Variants in AGBL4 observed in about 807,000 individuals in gnomAD.
AGBL4 encodes AGBL carboxypeptidase 4.
In AGBL4, 58 loss-of-function variants were observed where a neutral mutation model predicts 66.4. That is an observed-to-expected ratio of 0.87 (90% CI 0.71 to 1.09). The LOEUF is 1.09. AGBL4 is among the 50% of genes least tolerant of loss of function. AGBL4 has a pLI of 0.00. For missense variants in AGBL4, 579 were observed against 631.0 expected, an observed-to-expected ratio of 0.92 and a Z score of 0.88; for synonymous variants, 234 against 222.9, an observed-to-expected ratio of 1.05 and a Z score of -0.44.
intron 1 of AGBL4, among the ~76,000 whole-genome samples, chr1:49,957,383 T>G (rs1326452776): frequency 6.6e-6 from 1 of 152,016 alleles, no homozygotes; most frequent in East Asian, 1.9e-4. Context: ...GTCTGCTTGG[T>G]GCAGAGCTGA....
chr1:49,085,115 G>A (rs1644881242), intron 4 of AGBL4, among the ~76,000 whole-genome samples: 1 of 152,130 alleles, frequency 6.6e-6, no homozygotes, highest in Admixed American at 6.6e-5. Flanking sequence ...CTACGCAGGT[G>A]GACATCATGG....
intron 9 of AGBL4, among the ~76,000 whole-genome samples, chr1:48,611,835 G>A (rs1381666380): frequency 1.3e-5 from 2 of 152,154 alleles, no homozygotes; most frequent in East Asian, 3.8e-4. Flanking sequence ...CTATCCCTAT[G>A]GGTTTTAAGA....
At chr1:48,677,739 CA>C (rs60333283) in intron 6 of AGBL4, among the ~76,000 whole-genome samples, 23,699 of 152,136 alleles carry the variant, frequency 0.16, 4,608 homozygotes, top group African/African-American at 0.46. Context: ...ACCCAGATCA[CA>C]GCAAAGAGCC....
intron 1 of AGBL4, among the ~76,000 whole-genome samples, chr1:49,921,270 CA>C (rs1652210877): frequency 6.6e-6 from 1 of 151,048 alleles, no homozygotes; most frequent in South Asian, 2.1e-4. Context: ...AACAAACAAA[CA>C]ATTCTAATTG....
intron 4 of AGBL4, among the ~76,000 whole-genome samples, chr1:49,151,006 C>T (rs1052605498): frequency 2.6e-5 from 4 of 152,176 alleles, no homozygotes; most frequent in South Asian, 2.1e-4. Context: ...CGGTGGCTCA[C>T]GTCTGTAATC....
At chr1:48,587,306 A>G in intron 10 of AGBL4, 140 bp from the exon 11 acceptor site, 1 of 802,708 alleles carries the variant, frequency 1.2e-6, no homozygotes. Context: ...GATTATTATA[A>G]GGACTGATTA....
intron 5 of AGBL4, among the ~76,000 whole-genome samples, chr1:49,008,598 C>A: frequency 6.9e-6 from 1 of 145,118 alleles, no homozygotes; most frequent in East Asian, 2.0e-4. Context: ...CACACCACAC[C>A]TATTCCAAAA....
At chr1:48,978,363 A>T (rs1045647283) in intron 5 of AGBL4, among the ~76,000 whole-genome samples, 1 of 152,328 alleles carries the variant, frequency 6.6e-6, no homozygotes. Flanking sequence ...GGAAGGCAGT[A>T]GGAGGAGAAA....
intron 3 of AGBL4, among the ~76,000 whole-genome samples, chr1:49,613,389 C>A (rs895893758): frequency 7.2e-5 from 11 of 152,164 alleles, no homozygotes; most frequent in African/African-American, 2.7e-4. Context: ...GTTTCTCAAC[C>A]TCCAGGCCAT....
chr1:49,715,260 C>A (rs1156494193), intron 2 of AGBL4, among the ~76,000 whole-genome samples: 1 of 152,096 alleles, frequency 6.6e-6, no homozygotes, highest in Non-Finnish European at 1.5e-5. Context: ...ATGATGGTTT[C>A]CAGCTTCATG....
chr1:49,728,919 C>T (rs1649227956), intron 2 of AGBL4, among the ~76,000 whole-genome samples: 1 of 152,178 alleles, frequency 6.6e-6, no homozygotes, highest in Non-Finnish European at 1.5e-5. Context: ...AGCCCTGAAC[C>T]TGTCAAAGAT....
chr1:49,221,844 C>T (rs776696173), intron 4 of AGBL4, among the ~76,000 whole-genome samples: 3 of 152,052 alleles, frequency 2.0e-5, no homozygotes, highest in Non-Finnish European at 2.9e-5. Context: ...TTTTTAGAGA[C>T]ACTGGAAGCT....
chr1:49,460,484 T>A (rs559481772), intron 3 of AGBL4, among the ~76,000 whole-genome samples: 4 of 151,612 alleles, frequency 2.6e-5, no homozygotes, highest in Non-Finnish European at 5.9e-5. Flanking sequence ...TGAGTCCTCA[T>A]GTGTTAGGTG....
At chr1:50,016,346 A>G (rs757309159) in intron 1 of AGBL4, among the ~76,000 whole-genome samples, 2 of 152,102 alleles carry the variant, frequency 1.3e-5, no homozygotes, top group Non-Finnish European at 2.9e-5. Flanking sequence ...CAGATCACCT[A>G]AGGTCAGGAG....
At position 50,018,661 on chromosome 1, in the gene AGBL4, A is replaced by G. The variant is rs565935584; in HGVS notation, c.34+5102T>C. 7.2e-5 allele frequency among the ~76,000 whole-genome samples: 11 copies of G among 152,240 alleles called. No individual in the cohort carries two copies. The South Asian group carries it at 2.3e-3, about 32-fold the overall frequency. ...TATATATAGATCTTTAGTAGCTTTC[A>G]TTGAAAGTGACACTGAGCCACAATG... On this transcript the variant is annotated intron_variant, in intron 1 of 13. Transcript: ENST00000371839.
At chr1:48,967,813 G>A (rs987699360) in intron 5 of AGBL4, among the ~76,000 whole-genome samples, 1 of 152,132 alleles carries the variant, frequency 6.6e-6, no homozygotes, top group African/African-American at 2.4e-5. Flanking sequence ...TAAGCGTGTT[G>A]ATTAACTTGT....
intron 3 of AGBL4, among the ~76,000 whole-genome samples, chr1:49,590,712 C>T (rs979341622): frequency 1.3e-5 from 2 of 151,964 alleles, no homozygotes; most frequent in Non-Finnish European, 2.9e-5. Flanking sequence ...CATTTCAAAA[C>T]CTTCCCACAA....
At chr1:49,823,633 G>A (rs1442789242) in intron 2 of AGBL4, among the ~76,000 whole-genome samples, 1 of 152,126 alleles carries the variant, frequency 6.6e-6, no homozygotes, top group Non-Finnish European at 1.5e-5. Context: ...GTGAATTGAG[G>A]AGAGATTTTG....
chr1:48,674,785 T>C (rs773395128), intron 6 of AGBL4, among the ~76,000 whole-genome samples: 2 of 152,166 alleles, frequency 1.3e-5, no homozygotes, highest in Non-Finnish European at 2.9e-5. Flanking sequence ...TGGCTATTAT[T>C]AGTCATTCTA....
Sources: gnomAD v4.1 joint callset for allele counts (sites outside exome capture counted in the v4.1 genomes callset) on GRCh38, gnomAD v4.1.1 for gene constraint, MANE v1.5 for transcripts, NCBI Gene and HGNC (gene_info 2026-07-23, HGNC 2026-07-21) for gene names.